RAPH1: variants seen among roughly 807,000 people sequenced by gnomAD.
The protein encoded by RAPH1 is ras-associated and pleckstrin homology domains-containing protein 1.
In RAPH1, 18 loss-of-function variants were observed where a neutral mutation model predicts 88.1. The observed-to-expected ratio is 0.20, with a 90% CI of 0.14 to 0.30. The LOEUF (loss-of-function observed/expected upper bound fraction) is 0.30. Ranked by LOEUF, RAPH1 falls within the 10% of genes least tolerant of loss-of-function variation. The probability of loss-of-function intolerance (pLI) is 1.00; values close to 1 mark genes in which losing one functional copy is unlikely to be tolerated. For synonymous variants in RAPH1, 587 were observed against 559.0 expected, an observed-to-expected ratio of 1.05 and a Z score of -0.71; for missense variants, 1,448 against 1,543.2, an observed-to-expected ratio of 0.94 and a Z score of 1.03.
chr2:203,522,721 G>T (rs956650513), intron 1 of RAPH1, among the ~76,000 whole-genome samples: 20 of 151,820 alleles, frequency 1.3e-4, no homozygotes, highest in Non-Finnish European at 8.8e-5. Context: ...GGCCAACATC[G>T]TGAAACCTCA....
Position 203,469,492 on chromosome 2 carries a change from TAAC to T in RAPH1, c.733-7570_733-7568del, listed in dbSNP as rs377180067. ...TAAAGCAAACAAACCTCAGATACAA[TAAC>T]AACAACTTAGGGACATTACCCATAA... On this transcript the variant is annotated intron_variant, in intron 4 of 13. Transcript: ENST00000319170. Among the ~76,000 whole-genome samples, 50 of 152,276 alleles carry T rather than the reference TAAC, an allele frequency of 3.3e-4. 1 individual carries two copies. Among genetic ancestry groups the T allele is most frequent in the Middle Eastern group, 3.4e-3 (1 of 294 alleles).
At chr2:203,508,221 C>CAAAA (rs768340713) in intron 1 of RAPH1, among the ~76,000 whole-genome samples, 20 of 58,574 alleles carry the variant, frequency 3.4e-4, no homozygotes, top group African/African-American at 9.3e-4. Flanking sequence ...GACTCTGTCT[C>CAAAA]AAAAAAAAAA....
intron 10 of RAPH1, among the ~76,000 whole-genome samples, chr2:203,449,679 A>C (rs1229851532): frequency 6.6e-6 from 1 of 152,198 alleles, no homozygotes; most frequent in East Asian, 1.9e-4. Context: ...AAAACCAAAA[A>C]ACTAATGGCT....
At chr2:203,443,130 G>A (rs1373263734) in intron 13 of RAPH1, 1 of 152,170 alleles carries the variant, frequency 6.6e-6, no homozygotes, top group African/African-American at 2.4e-5. Context: ...GTGCTACTAA[G>A]GCCTTCTCTT....
chr2:203,467,998 G>A (rs1286978928), intron 4 of RAPH1, among the ~76,000 whole-genome samples: 2 of 152,114 alleles, frequency 1.3e-5, no homozygotes, highest in Middle Eastern at 3.4e-3. Context: ...TTGAACTCCT[G>A]GGCTTGAACT....
In RAPH1 at chr2:203,455,365, T is replaced by A. The variant is rs191640300; in HGVS notation, c.1302+72A>T. The A allele has an allele frequency of 7.0e-5, 99 of 1,410,454 alleles. No individual in the cohort carries two copies. In the African/African-American group the frequency reaches 1.1e-3, roughly 15 times the overall value. 87.4% of individuals were successfully genotyped at this position (1,410,454 alleles called of 1,614,324 possible). ...CAAATCATAGCCTGGGTTCACCTTG[T>A]CAGCATACTCAATACAAATTAAAAG... On this transcript the variant is annotated intron_variant, in intron 9 of 13. Coordinates refer to ENST00000319170, the MANE Select transcript of RAPH1 (RefSeq NM_213589.3).
intron 1 of RAPH1, among the ~76,000 whole-genome samples, chr2:203,505,445 C>CA (rs956472447): frequency 6.6e-6 from 1 of 151,818 alleles, no homozygotes; most frequent in Non-Finnish European, 1.5e-5. Flanking sequence ...TAAATTACCC[C>CA]CCCCGGGTCC....
intron 4 of RAPH1, among the ~76,000 whole-genome samples, chr2:203,480,280 G>A (rs1225425932): frequency 6.6e-6 from 1 of 152,228 alleles, no homozygotes; most frequent in East Asian, 1.9e-4. Context: ...TAGGAGCAGT[G>A]GCTCATGCCT....
intron 1 of RAPH1, among the ~76,000 whole-genome samples, chr2:203,506,141 G>T (rs1178213069): frequency 1.3e-5 from 2 of 152,210 alleles, no homozygotes; most frequent in African/African-American, 4.8e-5. Flanking sequence ...GCTTTGAGAG[G>T]AAAGGGGGTA....
intron 4 of RAPH1, among the ~76,000 whole-genome samples, chr2:203,462,870 T>TAAA: frequency 1.3e-5 from 2 of 152,118 alleles, no homozygotes; most frequent in African/African-American, 4.8e-5. Flanking sequence ...TTTCTATTTC[T>TAAA]AGGCTTTTGA....
At position 203,461,869 on chromosome 2, in the gene RAPH1, A is replaced by G; in HGVS notation, c.789T>C (p.Ile263=). The part of the protein sequence containing the change: ...AEKIRVALEK[I]KEAQVKKLVI... ...TCACCTTTTTCACTTGTGCCTCTTT[A>G]ATTTTCTCTAGGGCAACTCTGATCT... Residue 263 remains isoleucine, a synonymous_variant, in exon 5 of 14, where the codon ATT becomes ATC. Coordinates refer to ENST00000319170, the MANE Select transcript of RAPH1 (RefSeq NM_213589.3). The G allele has an allele frequency of 6.2e-7, 1 of 1,608,246 alleles. No homozygotes were observed. The highest frequency in any genetic ancestry group is 8.5e-7 in the Non-Finnish European group (1 of 1,177,298).
chr2:203,465,520 G>A (rs1353050475), intron 4 of RAPH1, among the ~76,000 whole-genome samples: 4 of 152,192 alleles, frequency 2.6e-5, no homozygotes, highest in African/African-American at 9.6e-5. Flanking sequence ...AGGATTTAAG[G>A]GCTGTGAAAC....
chr2:203,532,485 C>G (rs1318080395), intron 1 of RAPH1, among the ~76,000 whole-genome samples: 2 of 152,136 alleles, frequency 1.3e-5, no homozygotes, highest in Non-Finnish European at 2.9e-5. Context: ...GTTAAGAATA[C>G]AAGCTTAAGA....
chr2:203,445,230 C>A, intron 12 of RAPH1: 1 of 441,230 alleles, frequency 2.3e-6, no homozygotes, highest in Non-Finnish European at 4.0e-6. Flanking sequence ...AATATTTCAC[C>A]ATGAGAGACT....
intron 1 of RAPH1, among the ~76,000 whole-genome samples, chr2:203,518,551 A>C (rs900289255): frequency 6.8e-6 from 1 of 146,682 alleles, no homozygotes; most frequent in South Asian, 2.2e-4. Flanking sequence ...AAAAAAAAAC[A>C]AAAAACTACT....
At chr2:203,456,485 C>G (rs1268466664) in intron 8 of RAPH1, among the ~76,000 whole-genome samples, 1 of 152,074 alleles carries the variant, frequency 6.6e-6, no homozygotes, top group African/African-American at 2.4e-5. Flanking sequence ...TATAAACACT[C>G]AAAATTCTAA....
In RAPH1 at chr2:203,437,673, T is replaced by C. The variant is rs2250390; in HGVS notation, c.*1764A>G. ...GGTGCTGTTCACTCTCTGTTTACGA[T>C]GCGGTTTTCGTGGAGTGTGGGTTAT... On this transcript the variant is annotated 3_prime_UTR_variant, in exon 14 of 14. Coordinates refer to ENST00000319170, the MANE Select transcript of RAPH1 (RefSeq NM_213589.3). 0.1 allele frequency: 15,868 copies of C among 153,544 alleles called. 1,641 individuals carry two copies. The highest frequency in any genetic ancestry group is 0.27 in the African/African-American group (11,095 of 41,518). The allele number at this position is 153,544 out of a possible 1,614,324, so 9.5% of individuals were successfully genotyped here. A position where few individuals can be genotyped will look rare whatever the true frequency, so the allele number is the denominator to read the frequency against.
chr2:203,439,523 T>G lies in RAPH1; in HGVS notation c.3667A>C (p.Ile1223Leu). 1 of 1,614,092 alleles carries G rather than the reference T, an allele frequency of 6.2e-7. No homozygotes were observed. The highest frequency in any genetic ancestry group is 8.5e-7 in the Non-Finnish European group (1 of 1,180,016). Residue 1223 changes from isoleucine (I) to leucine (L), a missense_variant, in exon 14 of 14, where the codon ATA (isoleucine) becomes CTA (leucine). Transcript: ENST00000319170. ...QQKAGYGGSH[I>L]SGYATLRRGP... ...CTCCGCAACGTTGCATAGCCTGATA[T>G]ATGACTGCCTCCGTAACCAGCCTTC...
chr2:203,516,873 A>T (rs1250180507), intron 1 of RAPH1, among the ~76,000 whole-genome samples: 1 of 152,128 alleles, frequency 6.6e-6, no homozygotes, highest in African/African-American at 2.4e-5. Context: ...CTCTACTAAA[A>T]ATACAAAAAA....
Sources: gnomAD v4.1 joint callset for allele counts (sites outside exome capture counted in the v4.1 genomes callset) on GRCh38, gnomAD v4.1.1 for gene constraint, MANE v1.5 for transcripts, NCBI Gene and HGNC (gene_info 2026-07-23, HGNC 2026-07-21) for gene names.